The following NFAT5 variants were observed in gnomAD, a reference collection of about 807,000 sequenced individuals.
NFAT5 encodes nuclear factor of activated T cells 5, also known as nuclear factor of activated T-cells 5.
NFAT5 carries 31 observed loss-of-function variants against 166.5 expected under a neutral mutation model. The observed-to-expected ratio is 0.19, with a 90% CI of 0.14 to 0.25. The LOEUF (loss-of-function observed/expected upper bound fraction) is 0.25, where lower values mean the gene tolerates loss of function less well. NFAT5 is among the 10% of genes least tolerant of loss of function. The pLI is 1.00. For missense variants in NFAT5, 1,449 were observed against 1,821.8 expected, an observed-to-expected ratio of 0.80 and a Z score of 3.72; for synonymous variants, 612 against 639.7, an observed-to-expected ratio of 0.96 and a Z score of 0.65.
intron 7 of NFAT5, among the ~76,000 whole-genome samples, chr16:69,669,373 C>T (rs946179631): frequency 2.0e-5 from 3 of 151,980 alleles, no homozygotes; most frequent in Non-Finnish European, 4.4e-5. Context: ...GGTGAAACCC[C>T]GTCTCTACTA....
At chr16:69,680,394 C>G (rs2037009068) in intron 10 of NFAT5, among the ~76,000 whole-genome samples, 1 of 152,156 alleles carries the variant, frequency 6.6e-6, no homozygotes, top group African/African-American at 2.4e-5. Context: ...TGATATGAGA[C>G]TTCAGGACTT....
rs1422867771 is a variant in NFAT5, at chr16:69,702,698, T to C, written c.*6347T>C. 1 of 152,640 alleles carries C rather than the reference T, an allele frequency of 6.6e-6. No individual in the cohort carries two copies. Among genetic ancestry groups the C allele is most frequent in the Non-Finnish European group, 1.5e-5 (1 of 68,042 alleles). 9.5% of individuals were successfully genotyped at this position (152,640 alleles called of 1,614,324 possible). On this transcript the variant is annotated 3_prime_UTR_variant, in exon 15 of 15. Transcript: ENST00000349945. Reference sequence around the variant, plus strand: ...CTCCAGGTGATTCTGATGCACACTTTAAAGTTTAGGAACCACTGGGCTAAG... The same window carrying C: ...CTCCAGGTGATTCTGATGCACACTTCAAAGTTTAGGAACCACTGGGCTAAG...
intron 2 of NFAT5, among the ~76,000 whole-genome samples, chr16:69,580,153 A>G (rs2031573436): frequency 6.6e-6 from 1 of 151,974 alleles, no homozygotes; most frequent in Admixed American, 6.6e-5. Context: ...TGTAATATGT[A>G]TTTTAATATG....
intron 10 of NFAT5, among the ~76,000 whole-genome samples, chr16:69,684,342 C>T (rs1210956523): frequency 1.1e-4 from 17 of 148,898 alleles, no homozygotes; most frequent in African/African-American, 3.7e-4. Context: ...GGGTGAATCA[C>T]GAGGTCAGGA....
intron 3 of NFAT5, among the ~76,000 whole-genome samples, chr16:69,632,940 C>T (rs1597438898): frequency 1.3e-5 from 2 of 152,132 alleles, no homozygotes; most frequent in African/African-American, 4.8e-5. Context: ...CTCTACTCCT[C>T]CTTCTATCTT....
At chr16:69,582,496 C>T (rs188739349) in intron 2 of NFAT5, among the ~76,000 whole-genome samples, 27 of 151,614 alleles carry the variant, frequency 1.8e-4, no homozygotes, top group Admixed American at 3.3e-4. Context: ...TTAGCTCTTA[C>T]ATTTAGGTAT....
At chr16:69,586,483 A>G (rs1180905935) in intron 2 of NFAT5, among the ~76,000 whole-genome samples, 2 of 151,868 alleles carry the variant, frequency 1.3e-5, no homozygotes, top group African/African-American at 4.8e-5. Flanking sequence ...GCTCACTGTA[A>G]CCTCCACCTC....
At chr16:69,579,627 A>G (rs1307937016) in intron 2 of NFAT5, among the ~76,000 whole-genome samples, 2 of 152,230 alleles carry the variant, frequency 1.3e-5, no homozygotes, top group Non-Finnish European at 2.9e-5. Context: ...AAACTTCACA[A>G]GGATGGATAG....
At chr16:69,589,734 AT>A (rs143000731) in intron 2 of NFAT5, among the ~76,000 whole-genome samples, 3,507 of 152,198 alleles carry the variant, frequency 0.023, 248 homozygotes, top group Admixed American at 0.14. Flanking sequence ...AGAAATCCTC[AT>A]TTTTTTGCTA....
intron 2 of NFAT5, among the ~76,000 whole-genome samples, chr16:69,569,349 A>G (rs1157308040): frequency 1.3e-5 from 2 of 151,800 alleles, no homozygotes; most frequent in African/African-American, 4.8e-5. Flanking sequence ...GTCCCACAGT[A>G]GAAGAAATAA....
chr16:69,588,980 C>CTTTTTTTTTTT lies in NFAT5; in HGVS notation c.127+20453_127+20463dup, dbSNP rs945918292. On this transcript the variant is annotated intron_variant, in intron 2 of 14. Coordinates refer to ENST00000349945, the MANE Select transcript of NFAT5 (RefSeq NM_138713.4). ...GACCCTCCCTCCTCTTTTCCTACTT[C>CTTTTTTTTTTT]TTTTTTTTTTTTTTTTTTTTTTTTT... is the stretch of plus-strand genomic sequence containing the variant. Among the ~76,000 whole-genome samples, 46 of 34,366 alleles carry CTTTTTTTTTTT rather than the reference C, an allele frequency of 1.3e-3. 5 individuals are homozygous for CTTTTTTTTTTT. Among genetic ancestry groups the CTTTTTTTTTTT allele is most frequent in the East Asian group, 5.3e-3 (4 of 756 alleles). The allele number at this position is 34,366 out of a possible 152,430, so 22.5% of individuals were successfully genotyped here. A position where few individuals can be genotyped will look rare whatever the true frequency, so the allele number is the denominator to read the frequency against.
rs745316104 is a variant in NFAT5, at chr16:69,693,968, G to T, written c.4143G>T (p.Gly1381=). The change falls in exon 13 of 15, where the codon GGG becomes GGT. Residue 1381 remains glycine, a synonymous_variant. Transcript: ENST00000349945. ...CTCCTCAGATTCAGTTGGTACAAGGGTCACCTAGTTCTCAAGAGCAGCAAG... is the reference window on the plus strand; with the variant it reads ...CTCCTCAGATTCAGTTGGTACAAGGTTCACCTAGTTCTCAAGAGCAGCAAG... The part of the protein sequence containing the change: ...HSSPQIQLVQ[G]SPSSQEQQVT... 2.5e-6 allele frequency: 4 copies of T among 1,614,176 alleles called. No homozygotes were observed. The South Asian group carries it at 4.4e-5, about 18-fold the overall frequency.
At chr16:69,646,318 A>G (rs9924271) in intron 3 of NFAT5, among the ~76,000 whole-genome samples, 14,116 of 152,276 alleles carry the variant, frequency 0.093, 903 homozygotes, top group East Asian at 0.34. Flanking sequence ...TTGCTTCTAC[A>G]ACCCAGAATG....
intron 2 of NFAT5, among the ~76,000 whole-genome samples, chr16:69,621,246 C>T (rs1046373296): frequency 9.3e-5 from 14 of 149,946 alleles, no homozygotes; most frequent in African/African-American, 3.5e-4. Flanking sequence ...CTATTACTCT[C>T]TTCCTTTAAA....
chr16:69,626,507 C>T lies in NFAT5; in HGVS notation c.232C>T (p.Pro78Ser). 6.4e-7 allele frequency: 1 copy of T among 1,564,098 alleles called. No individual in the cohort carries two copies. The highest frequency in any genetic ancestry group is 2.3e-5 in the East Asian group (1 of 42,786). The change falls in exon 3 of 15, where the codon CCT becomes TCT. Residue 78 changes from proline to serine, a missense_variant. Pro to Ser is a moderately conservative substitution (Grantham distance 74). Around this residue, in one of 7 missense-constraint regions of NFAT5, gnomAD observed 172 missense variants for 194.5 expected, o/e 0.88. Coordinates refer to ENST00000349945, the MANE Select transcript of NFAT5 (RefSeq NM_138713.4). ...AAGCGGTGGTGAGGCAGGCTCGCCTCCTCCAGCTGTTGTTGCTGCTGGTAT... is the reference window on the plus strand; with the variant it reads ...AAGCGGTGGTGAGGCAGGCTCGCCTTCTCCAGCTGTTGTTGCTGCTGGTAT... ...QTSGGEAGSP[P>S]PAVVAADASS... is the part of the protein sequence containing the mutation.
chr16:69,666,653 A>G (rs970865574), intron 7 of NFAT5, among the ~76,000 whole-genome samples: 2 of 152,174 alleles, frequency 1.3e-5, no homozygotes, highest in Non-Finnish European at 2.9e-5. Context: ...AATGGCAATC[A>G]TTAAAAAGTC....
intron 10 of NFAT5, among the ~76,000 whole-genome samples, chr16:69,683,576 C>T (rs930236350): frequency 5.9e-5 from 9 of 152,162 alleles, no homozygotes; most frequent in Admixed American, 3.9e-4. Flanking sequence ...AATATATAAT[C>T]ATTTGAAGCA....
chr16:69,595,571 T>C (rs2032744542), intron 2 of NFAT5, among the ~76,000 whole-genome samples: 1 of 152,220 alleles, frequency 6.6e-6, no homozygotes, highest in African/African-American at 2.4e-5. Context: ...CTGTAACTTT[T>C]GCTGTTTGAG....
At chr16:69,656,375 A>T (rs1300245812) in intron 6 of NFAT5, among the ~76,000 whole-genome samples, 1 of 151,534 alleles carries the variant, frequency 6.6e-6, no homozygotes, top group Admixed American at 6.6e-5. Flanking sequence ...TTTTGGGTTT[A>T]TAATAGTAAC....
Sources: gnomAD v4.1 joint callset for allele counts (sites outside exome capture counted in the v4.1 genomes callset) on GRCh38, gnomAD v4.1.1 for gene constraint, gnomAD v4.1.1 regional missense constraint, MANE v1.5 for transcripts, NCBI Gene and HGNC (gene_info 2026-07-23, HGNC 2026-07-21) for gene names.